The following TRIP4 variants were observed in gnomAD, a reference collection of about 807,000 sequenced individuals.
TRIP4 encodes activating signal cointegrator 1.
Under a neutral mutation model 81.8 loss-of-function variants are expected in TRIP4, and 54 were observed. The observed-to-expected ratio is 0.66, with a 90% confidence interval of 0.53 to 0.83. TRIP4 has a LOEUF of 0.83. Ranked by LOEUF, TRIP4 falls within the 40% of genes least tolerant of loss-of-function variation. The pLI is 0.00. For synonymous variants in TRIP4, 270 were observed against 242.8 expected, an observed-to-expected ratio of 1.11 and a Z score of -1.04; for missense variants, 662 against 683.6, an observed-to-expected ratio of 0.97 and a Z score of 0.35.
intron 5 of TRIP4, among the ~76,000 whole-genome samples, chr15:64,405,916 T>G (rs1420524292): frequency 6.6e-6 from 1 of 152,176 alleles, no homozygotes; most frequent in Non-Finnish European, 1.5e-5. Context: ...CGCCTGAGCC[T>G]AAGAGTTTGA....
chr15:64,445,225 C>A (rs1892600973), intron 12 of TRIP4, 117 bp downstream of exon 12: 1 of 553,338 alleles, frequency 1.8e-6, no homozygotes, highest in Non-Finnish European at 3.2e-6. Flanking sequence ...TGAGGTAACC[C>A]ACTACCTTTG....
chr15:64,455,155 T>C lies in TRIP4; in HGVS notation c.*91T>C. The C allele has an allele frequency of 8.5e-7, 1 of 1,176,284 alleles. No individual in the cohort carries two copies. The highest frequency in any genetic ancestry group is 1.2e-6 in the Non-Finnish European group (1 of 819,296). The allele number at this position is 1,176,284 out of a possible 1,614,324, so 72.9% of individuals were successfully genotyped here. A position where few individuals can be genotyped will look rare whatever the true frequency, so the allele number is the denominator to read the frequency against. ...CTTTGGAATTGAAGTAGTAGAAACCTAAAGGCTTGGCGTCAGGCTTGAATA... is the reference window on the plus strand; with the variant it reads ...CTTTGGAATTGAAGTAGTAGAAACCCAAAGGCTTGGCGTCAGGCTTGAATA... On this transcript the variant is annotated 3_prime_UTR_variant, in exon 13 of 13. Transcript: ENST00000261884.
intron 11 of TRIP4, among the ~76,000 whole-genome samples, chr15:64,436,267 C>A (rs1214443611): frequency 6.6e-6 from 1 of 151,256 alleles, no homozygotes; most frequent in Admixed American, 6.6e-5. Flanking sequence ...TGCACTCCAG[C>A]CTGGGCAACA....
intron 8 of TRIP4, 110 bp from the exon 9 acceptor site, chr15:64,418,431 A>G: frequency 8.1e-7 from 1 of 1,236,632 alleles, no homozygotes; most frequent in Non-Finnish European, 1.1e-6. Flanking sequence ...TTTTTCTAAG[A>G]AAAATGTTCC....
In TRIP4 at chr15:64,414,152, T is replaced by A; in HGVS notation, c.1111T>A (p.Ser371Thr). 6.2e-7 allele frequency: 1 copy of A among 1,614,116 alleles called. No homozygotes were observed. Among genetic ancestry groups the A allele is most frequent in the Admixed American group, 1.7e-5 (1 of 60,004 alleles). ...CCAGCCACTGACCAAATTGGATAGA[T>A]CTTCTGAAGAGCCTTTGGGAGTTCT... is the stretch of plus-strand genomic sequence containing the variant. ...LNQPLTKLDR[S>T]SEEPLGVLVN... Residue 371 changes from serine (S) to threonine (T), a missense_variant, in exon 8 of 13, where the codon TCT (serine) becomes ACT (threonine). Physicochemically the swap from Ser to Thr is moderately conservative, Grantham distance 58. Transcript: ENST00000261884.
chr15:64,404,465 C>T (rs1043631640), intron 5 of TRIP4, among the ~76,000 whole-genome samples: 7 of 151,918 alleles, frequency 4.6e-5, no homozygotes, highest in East Asian at 3.9e-4. Context: ...GGATTGCGGG[C>T]GCCTGCCACC....
chr15:64,413,072 A>G (rs1891803560), intron 7 of TRIP4, among the ~76,000 whole-genome samples: 1 of 152,098 alleles, frequency 6.6e-6, no homozygotes, highest in South Asian at 2.1e-4. Flanking sequence ...GCAAAGATAG[A>G]ATGCAGACTA....
At chr15:64,446,330 C>A (rs1819558616) in intron 12 of TRIP4, among the ~76,000 whole-genome samples, 1 of 152,024 alleles carries the variant, frequency 6.6e-6, no homozygotes, top group Non-Finnish European at 1.5e-5. Flanking sequence ...TTTAGAGACA[C>A]CACTTCCCAC....
In TRIP4 at chr15:64,414,193, G is replaced by T. The variant is rs189020040; in HGVS notation, c.1152G>T (p.Met384Ile). The change falls in exon 8 of 13, where the codon ATG becomes ATT. Residue 384 changes from methionine (M) to isoleucine (I), a missense_variant. Coordinates refer to ENST00000261884, the MANE Select transcript of TRIP4 (RefSeq NM_016213.5). ...TGGGAGTTCTGGTAAATCCCAACATGTACCAGTCCCCTCCCCAGGTTAGTG... is the reference window on the plus strand; with the variant it reads ...TGGGAGTTCTGGTAAATCCCAACATTTACCAGTCCCCTCCCCAGGTTAGTG... The part of the protein sequence containing the change: ...EPLGVLVNPN[M>I]YQSPPQWVDH... The T allele has an allele frequency of 2.3e-5, 37 of 1,614,070 alleles. No homozygotes were observed. Among genetic ancestry groups the T allele is most frequent in the Non-Finnish European group, 1.7e-6 (2 of 1,180,008 alleles).
At chr15:64,412,394 T>G (rs1433056565) in intron 7 of TRIP4, among the ~76,000 whole-genome samples, 4 of 152,180 alleles carry the variant, frequency 2.6e-5, no homozygotes, top group Admixed American at 6.6e-5. Context: ...GCATTTCACA[T>G]ACCTACCTCT....
At chr15:64,416,148 T>C (rs1449691375) in intron 8 of TRIP4, among the ~76,000 whole-genome samples, 1 of 152,058 alleles carries the variant, frequency 6.6e-6, no homozygotes, top group Admixed American at 6.6e-5. Context: ...GGAGGATCAC[T>C]TGAGACCAGG....
chr15:64,406,567 T>C, intron 6 of TRIP4, 108 bp downstream of exon 6: 4 of 1,376,502 alleles, frequency 2.9e-6, no homozygotes, highest in Non-Finnish European at 3.9e-6. Flanking sequence ...AAAGAGTTTA[T>C]AGCAAAAGAA....
At chr15:64,407,125 T>C (rs1326641010) in intron 6 of TRIP4, among the ~76,000 whole-genome samples, 1 of 152,138 alleles carries the variant, frequency 6.6e-6, no homozygotes, top group Non-Finnish European at 1.5e-5. Flanking sequence ...ATTTATATGC[T>C]CCCTTCTCAA....
intron 11 of TRIP4, among the ~76,000 whole-genome samples, chr15:64,426,084 G>A (rs1488663511): frequency 6.6e-6 from 1 of 151,208 alleles, no homozygotes; most frequent in Non-Finnish European, 1.5e-5. Context: ...TTCCTTCTGG[G>A]GGAAAAAAAA....
intron 6 of TRIP4, among the ~76,000 whole-genome samples, chr15:64,408,344 C>T (rs941507841): frequency 6.7e-6 from 1 of 150,144 alleles, no homozygotes. Context: ...CTGCAAGCTC[C>T]GCCCCCTGGA....
At chr15:64,426,843 C>G (rs969483402) in intron 11 of TRIP4, among the ~76,000 whole-genome samples, 24 of 150,430 alleles carry the variant, frequency 1.6e-4, no homozygotes, top group African/African-American at 5.6e-4. Context: ...TATAAAAATA[C>G]AAAAAAAATT....
At chr15:64,391,686 G>A (rs2140546085) in intron 1 of TRIP4, among the ~76,000 whole-genome samples, 1 of 151,864 alleles carries the variant, frequency 6.6e-6, no homozygotes, top group African/African-American at 2.4e-5. Flanking sequence ...ATACTCCAGG[G>A]TTGGCCAGGT....
chr15:64,436,021 G>T (rs976556780), intron 11 of TRIP4, among the ~76,000 whole-genome samples: 1 of 151,970 alleles, frequency 6.6e-6, no homozygotes, highest in South Asian at 2.1e-4. Context: ...CAGGCTGGGC[G>T]GGGTGGCTCA....
chr15:64,450,131 C>T (rs1033000604), intron 12 of TRIP4, among the ~76,000 whole-genome samples: 11 of 151,504 alleles, frequency 7.3e-5, no homozygotes, highest in Admixed American at 1.3e-4. Context: ...CAGTGGCTCA[C>T]GCCTGTAATC....
Sources: allele counts gnomAD v4.1 joint callset (sites outside exome capture counted in the v4.1 genomes callset), GRCh38; gene constraint gnomAD v4.1.1; transcripts MANE v1.5; gene names NCBI Gene and HGNC (gene_info 2026-07-23, HGNC 2026-07-21).